TOP2B: variants seen among roughly 807,000 people sequenced by gnomAD.
TOP2B encodes DNA topoisomerase II beta.
TOP2B carries 51 observed loss-of-function variants against 193.5 expected under a neutral mutation model. The ratio of observed to expected loss-of-function variants is 0.26; its 90% CI spans 0.21 to 0.33. TOP2B has a LOEUF of 0.33. Among genes scored for constraint, TOP2B ranks in the 10% least tolerant of loss-of-function variants. TOP2B has a pLI of 1.00. For missense variants in TOP2B, 1,378 were observed against 1,909.3 expected (o/e 0.72, Z 5.19); for synonymous variants, 634 against 635.7 (o/e 1.00, Z 0.04).
rs1308794847 is a variant in TOP2B at position 25,606,106 on chromosome 3, T to G, written c.4315A>C (p.Lys1439Gln). ...AGATTTCCAAAATCCTGACTTTTTT[T>G]GTCATGCAAAGATTTTCTATTAGAA... ...KATPEKSLHD[K>Q]KSQDFGNLFS... The change falls in exon 32 of 36, where the codon AAA (lysine) becomes CAA (glutamine). Residue 1439 changes from lysine (K) to glutamine (Q), a missense_variant. This residue lies in a region of TOP2B where 556 missense variants were observed against 584.2 expected (regional missense o/e 0.95). Coordinates refer to ENST00000264331, the MANE Select transcript of TOP2B (RefSeq NM_001330700.2). 2.7e-6 allele frequency: 4 copies of G among 1,498,760 alleles called. No homozygotes were observed. The African/African-American group carries it at 4.2e-5, about 16-fold the overall frequency. 92.8% of individuals were successfully genotyped at this position (1,498,760 alleles called of 1,614,324 possible).
intron 12 of TOP2B, 77 bp from the exon 13 acceptor site, chr3:25,630,231 G>A (rs960106071): frequency 1.1e-5 from 16 of 1,517,840 alleles, no homozygotes; most frequent in Admixed American, 4.5e-5. Context: ...TTAAAAATTC[G>A]AGAAGTTTAG....
At chr3:25,633,732 A>C in intron 8 of TOP2B, 109 bp downstream of exon 8, 1 of 941,042 alleles carries the variant, frequency 1.1e-6, no homozygotes, top group Non-Finnish European at 1.5e-6. Flanking sequence ...TTATTTAACA[A>C]AAACAGATTT....
At chr3:25,632,159 C>G (rs1440947041) in intron 10 of TOP2B, among the ~76,000 whole-genome samples, 2 of 151,990 alleles carry the variant, frequency 1.3e-5, no homozygotes, top group African/African-American at 4.8e-5. Context: ...GCATAAGGAT[C>G]TGGACATCTG....
At position 25,598,439 on chromosome 3, in the gene TOP2B, C is replaced by T. The variant is rs776612165; in HGVS notation, c.4749G>A (p.Val1583=). The change falls in exon 36 of 36, where the codon GTG becomes GTA. Residue 1583 remains valine, a synonymous_variant. Coordinates refer to ENST00000264331, the MANE Select transcript of TOP2B (RefSeq NM_001330700.2). ...KKTSFDQDSD[V]DIFPSDFPTE... ...TAGGGAAGTCTGAGGGGAAGATGTC[C>T]ACATCTGAATCCTGATCAAAAGATG... is the stretch of plus-strand genomic sequence containing the variant. 42 of 1,612,610 alleles carry T rather than the reference C, an allele frequency of 2.6e-5. No individual in the cohort carries two copies. The highest frequency in any genetic ancestry group is 9.9e-5 in the South Asian group (9 of 90,930).
At chr3:25,617,973 A>G (rs188131600) in intron 25 of TOP2B, among the ~76,000 whole-genome samples, 6 of 152,286 alleles carry the variant, frequency 3.9e-5, no homozygotes, top group African/African-American at 1.4e-4. Flanking sequence ...AATAATTAAC[A>G]TTTTGTCTCT....
intron 1 of TOP2B, among the ~76,000 whole-genome samples, chr3:25,654,404 C>G (rs1438518205): frequency 1.3e-5 from 2 of 151,810 alleles, no homozygotes; most frequent in Admixed American, 6.6e-5. Context: ...TGTCAAAATA[C>G]AAAACATTGT....
chr3:25,661,150 G>A (rs1018391356), intron 1 of TOP2B, among the ~76,000 whole-genome samples: 9 of 151,902 alleles, frequency 5.9e-5, no homozygotes, highest in Admixed American at 2.6e-4. Context: ...ACAAGCATGC[G>A]CCACCACCCC....
At chr3:25,599,395 A>T (rs2125338635) in intron 35 of TOP2B, 40 bp downstream of exon 35, 2 of 1,579,942 alleles carry the variant, frequency 1.3e-6, no homozygotes, top group Non-Finnish European at 1.7e-6. Context: ...ATCTTTTTTT[A>T]AAAAGCCATG....
intron 20 of TOP2B, among the ~76,000 whole-genome samples, chr3:25,624,060 G>C (rs1047857295): frequency 2.6e-5 from 4 of 152,138 alleles, no homozygotes; most frequent in African/African-American, 9.7e-5. Context: ...TCAGCCTAAA[G>C]AGTAAAGTTG....
rs754180174 is a variant in TOP2B, at chr3:25,633,871, G to A, written c.996C>T (p.Ile332=). Reference sequence around the variant, plus strand: ...TAGTTGCAATACTATTTACAAAGCTGATTTGCTGGAATCCTTTTTCACTCA... The same window carrying A: ...TAGTTGCAATACTATTTACAAAGCTAATTTGCTGGAATCCTTTTTCACTCA... The part of the protein sequence containing the change: ...LTLSEKGFQQ[I]SFVNSIATTK... Residue 332 remains isoleucine, a synonymous_variant, in exon 8 of 36, where the codon ATC becomes ATT. Coordinates refer to ENST00000264331, the MANE Select transcript of TOP2B (RefSeq NM_001330700.2). 5.6e-6 allele frequency: 9 copies of A among 1,611,594 alleles called. No individual in the cohort carries two copies. The highest frequency in any genetic ancestry group is 7.6e-6 in the Non-Finnish European group (9 of 1,178,910).
intron 11 of TOP2B, 27 bp from the exon 12 acceptor site, chr3:25,630,496 G>A: frequency 1.3e-6 from 2 of 1,489,422 alleles, no homozygotes; most frequent in Non-Finnish European, 1.8e-6. Flanking sequence ...ATTATACATA[G>A]TAAAAATTTC....
intron 33 of TOP2B, among the ~76,000 whole-genome samples, chr3:25,601,471 T>C (rs1424442697): frequency 1.3e-5 from 2 of 151,992 alleles, no homozygotes; most frequent in African/African-American, 4.8e-5. Flanking sequence ...ATAAAAAAAT[T>C]AGCCAGGTGT....
chr3:25,607,464 T>C (rs1702263916), intron 30 of TOP2B, 89 bp from the exon 31 acceptor site: 1 of 1,388,530 alleles, frequency 7.2e-7, no homozygotes, highest in African/African-American at 1.5e-5. Flanking sequence ...TTGAAGTATA[T>C]TCCAACCATC....
At position 25,645,422 on chromosome 3, in the gene TOP2B, C is replaced by G. The variant is rs1470246857; in HGVS notation, c.118G>C (p.Ala40Pro). 6.2e-7 allele frequency: 1 copy of G among 1,613,600 alleles called. No homozygotes were observed. Among genetic ancestry groups the G allele is most frequent in the Non-Finnish European group, 8.5e-7 (1 of 1,179,754 alleles). Residue 40 changes from alanine (A) to proline (P), a missense_variant, in exon 2 of 36, where the codon GCC (alanine) becomes CCC (proline). Coordinates refer to ENST00000264331, the MANE Select transcript of TOP2B (RefSeq NM_001330700.2). Reference protein sequence around the residue: ...NAAKKEESETANKNDSSKKLS... With the variant: ...NAAKKEESETPNKNDSSKKLS... Reference sequence around the variant, plus strand: ...TTCTTTGAAGAATCATTTTTGTTGGCAGTTTCTGACTCTTCTTTTTTTGCA... The same window carrying G: ...TTCTTTGAAGAATCATTTTTGTTGGGAGTTTCTGACTCTTCTTTTTTTGCA...
intron 7 of TOP2B, 117 bp from the exon 8 acceptor site, chr3:25,634,131 C>T (rs1703036619): frequency 1.4e-5 from 10 of 720,378 alleles, no homozygotes; most frequent in Non-Finnish European, 2.0e-5. Flanking sequence ...CTAAGTGCAC[C>T]GATCCAAACC....
In TOP2B at chr3:25,638,294, T is replaced by C. The variant is rs1196912366; in HGVS notation, c.412A>G (p.Ser138Gly). ...VSIDPESNII[S>G]IWNNGKGIPV... ...ATGCCTTTCCCATTATTCCAAATGCTTATAATGTTAGATTCACTGTAAAAA... is the reference window on the plus strand; with the variant it reads ...ATGCCTTTCCCATTATTCCAAATGCCTATAATGTTAGATTCACTGTAAAAA... Residue 138 changes from serine (S) to glycine (G), a missense_variant, in exon 5 of 36, where the codon AGC (serine) becomes GGC (glycine). This residue lies in a region of TOP2B where 21 missense variants were observed against 19.6 expected (regional missense o/e 1.07). Transcript: ENST00000264331. 9.2e-6 allele frequency: 9 copies of C among 980,150 alleles called. No homozygotes were observed. The highest frequency in any genetic ancestry group is 2.7e-4 in the Middle Eastern group (1 of 3,756). 60.7% of individuals were successfully genotyped at this position (980,150 alleles called of 1,614,324 possible).
intron 4 of TOP2B, among the ~76,000 whole-genome samples, chr3:25,639,833 T>C (rs968951051): frequency 5.3e-5 from 8 of 152,216 alleles, no homozygotes; most frequent in African/African-American, 1.9e-4. Flanking sequence ...CACAGAATAC[T>C]ATGGAGGAAA....
Position 25,633,970 on chromosome 3 carries a change from T to C in TOP2B, c.897A>G (p.Lys299=), listed in dbSNP as rs770785389. 6 of 1,612,486 alleles carry C rather than the reference T, an allele frequency of 3.7e-6. No homozygotes were observed. Among genetic ancestry groups the C allele is most frequent in the South Asian group, 1.1e-5 (1 of 90,908 alleles). ...TCAGGGCCACCCCAGTTTCATCCAA[T>C]TTGTCTTTCACATAAAGATCTACAT... ...RSYVDLYVKD[K]LDETGVALKV... Residue 299 remains lysine (K), a synonymous_variant, in exon 8 of 36, where the codon AAA becomes AAG. Transcript: ENST00000264331.
At chr3:25,636,219 T>C in intron 6 of TOP2B, 71 bp from the exon 7 acceptor site, 2 of 914,372 alleles carry the variant, frequency 2.2e-6, no homozygotes, top group African/African-American at 1.7e-5. Context: ...ACTACACTCA[T>C]TAAATTCATT....
Sources: gnomAD v4.1 joint callset for allele counts (sites outside exome capture counted in the v4.1 genomes callset) on GRCh38, gnomAD v4.1.1 for gene constraint, gnomAD v4.1.1 regional missense constraint, MANE v1.5 for transcripts, NCBI Gene and HGNC (gene_info 2026-07-23, HGNC 2026-07-21) for gene names.